The following SULF2 variants were observed in gnomAD, a reference collection of about 807,000 sequenced individuals.
SULF2 encodes extracellular sulfatase Sulf-2.
A neutral mutation model predicts 107.7 loss-of-function variants in SULF2; 52 were observed. That is an observed-to-expected ratio of 0.48 (90% CI 0.39 to 0.61). The LOEUF (loss-of-function observed/expected upper bound fraction) is 0.61, where lower values mean the gene tolerates loss of function less well. SULF2 is among the 20% of genes least tolerant of loss of function. The pLI is 0.00. For missense variants in SULF2, 993 were observed against 1,177.3 expected (o/e 0.84, Z 2.29); for synonymous variants, 460 against 464.3 (o/e 0.99, Z 0.12).
chr20:47,767,138 T>G (rs1357971280), intron 1 of SULF2, among the ~76,000 whole-genome samples: 1 of 152,178 alleles, frequency 6.6e-6, no homozygotes, highest in Non-Finnish European at 1.5e-5. Context: ...TACTAGAGGT[T>G]GGGCAAGTGT....
intron 3 of SULF2, among the ~76,000 whole-genome samples, chr20:47,714,572 C>G (rs925373286): frequency 2.6e-5 from 4 of 152,198 alleles, no homozygotes; most frequent in Non-Finnish European, 4.4e-5. Flanking sequence ...ACCTTCAGCC[C>G]ATCTTCCACA....
intron 4 of SULF2, among the ~76,000 whole-genome samples, chr20:47,701,084 G>A (rs901219991): frequency 2.0e-5 from 3 of 152,210 alleles, no homozygotes; most frequent in African/African-American, 7.2e-5. Flanking sequence ...ACCCAAACTG[G>A]AGACAACCAA....
intron 17 of SULF2, 53 bp downstream of exon 17, chr20:47,663,017 G>A: frequency 6.2e-7 from 1 of 1,604,760 alleles, no homozygotes. Flanking sequence ...GGGCCTACCT[G>A]GCAGCACTGG....
Position 47,736,817 on chromosome 20 carries a change from C to T in SULF2, c.301G>A (p.Val101Ile), listed in dbSNP as rs564524993. ...TTGGTGTAGGTGTTGTGGTTGTGGA[C>T]GTACTTGCCAGTGAGGATGGAGGAG... ...SRSSILTGKY[V>I]HNHNTYTNNE... The change falls in exon 3 of 21, where the codon GTC becomes ATC. Residue 101 changes from valine to isoleucine, a missense_variant. Val to Ile is a conservative substitution (Grantham distance 29). This residue lies in a region of SULF2 where 388 missense variants were observed against 449.2 expected (regional missense o/e 0.86). Coordinates refer to ENST00000688720, the MANE Select transcript of SULF2 (RefSeq NM_001387048.1). 64 of 1,614,114 alleles carry T rather than the reference C, an allele frequency of 4.0e-5. No homozygotes were observed. In the South Asian group the frequency reaches 6.4e-4, roughly 16 times the overall value.
intron 11 of SULF2, among the ~76,000 whole-genome samples, chr20:47,671,992 G>T (rs904042250): frequency 6.6e-6 from 1 of 152,226 alleles, no homozygotes; most frequent in Non-Finnish European, 1.5e-5. Flanking sequence ...TTACAGGCGT[G>T]AGCCATTGCG....
chr20:47,689,474 C>T (rs1311606797), intron 5 of SULF2: 1 of 152,302 alleles, frequency 6.6e-6, no homozygotes, highest in Non-Finnish European at 1.5e-5. Context: ...AGCCATGGGA[C>T]TGAGCCCCAG....
At chr20:47,755,179 TTC>T (rs2146895328) in intron 2 of SULF2, among the ~76,000 whole-genome samples, 2 of 152,334 alleles carry the variant, frequency 1.3e-5, no homozygotes, top group South Asian at 4.1e-4. Context: ...GACAAGTGAC[TTC>T]TCTCTGCCTC....
chr20:47,731,187 CTTTTTTTTTTTT>C (rs71183273), intron 3 of SULF2, among the ~76,000 whole-genome samples: 2 of 81,180 alleles, frequency 2.5e-5, no homozygotes, highest in Non-Finnish European at 4.4e-5. Flanking sequence ...TGTATCTTCT[CTTTTTTTTTTTT>C]TTTTTTTTTT....
At chr20:47,698,162 G>GGGGTTTCCA (rs1256522596) in intron 4 of SULF2, among the ~76,000 whole-genome samples, 1 of 152,224 alleles carries the variant, frequency 6.6e-6, no homozygotes, top group Non-Finnish European at 1.5e-5. Context: ...CATGTGTGCC[G>GGGGTTTCCA]GGGTTTCCAG....
At chr20:47,743,203 C>T (rs567664351) in intron 2 of SULF2, among the ~76,000 whole-genome samples, 1 of 152,184 alleles carries the variant, frequency 6.6e-6, no homozygotes, top group South Asian at 2.1e-4. Flanking sequence ...AAAATAAAGG[C>T]GGAGTCAGTA....
rs535936841 is a variant in SULF2 at position 47,676,380 on chromosome 20, A to G, written c.1380+114T>C. The G allele has an allele frequency of 3.6e-5, 43 of 1,196,948 alleles. No individual in the cohort carries two copies. In the African/African-American group the frequency reaches 5.5e-4, roughly 15 times the overall value. The allele number at this position is 1,196,948 out of a possible 1,614,324, so 74.1% of individuals were successfully genotyped here. A position where few individuals can be genotyped will look rare whatever the true frequency, so the allele number is the denominator to read the frequency against. ...CTTGGGCACCACACGGCAGCAAAGG[A>G]CTACCCGTTGGGAGGCCCTGGCCCT... On this transcript the variant is annotated intron_variant, in intron 10 of 20. Transcript: ENST00000688720.
At chr20:47,661,954 C>T in intron 17 of SULF2, 58 bp from the exon 18 acceptor site, 2 of 1,403,292 alleles carry the variant, frequency 1.4e-6, no homozygotes, top group Non-Finnish European at 1.9e-6. Flanking sequence ...TCGCCCTGCC[C>T]TTCTACCAAC....
chr20:47,781,366 T>G (rs2090831101), intron 1 of SULF2, among the ~76,000 whole-genome samples: 1 of 152,244 alleles, frequency 6.6e-6, no homozygotes, highest in African/African-American at 2.4e-5. Flanking sequence ...TGCTGTTTTA[T>G]TCCAGGCTTT....
chr20:47,767,043 G>GA (rs1172424332), intron 1 of SULF2, among the ~76,000 whole-genome samples: 1 of 152,146 alleles, frequency 6.6e-6, no homozygotes, highest in Non-Finnish European at 1.5e-5. Flanking sequence ...TTACTTGGGG[G>GA]AAAATGCCAC....
intron 2 of SULF2, among the ~76,000 whole-genome samples, chr20:47,739,527 G>A (rs2089827914): frequency 6.6e-6 from 1 of 152,140 alleles, no homozygotes; most frequent in Admixed American, 6.5e-5. Context: ...TCTCCTTCAA[G>A]TTATTGATCA....
Position 47,684,668 on chromosome 20 carries a change from C to G in SULF2, c.738-87G>C. On this transcript the variant is annotated intron_variant, in intron 5 of 20. Coordinates refer to ENST00000688720, the MANE Select transcript of SULF2 (RefSeq NM_001387048.1). ...CCGCCAGACCCGCCCGGATGAGCAG[C>G]CACCCTGTGCTGTGTCTGCAGCCCA... The G allele has an allele frequency of 2.1e-6, 3 of 1,405,102 alleles. No homozygotes were observed. The Admixed American group carries it at 6.2e-5, about 29-fold the overall frequency. 87.0% of individuals were successfully genotyped at this position (1,405,102 alleles called of 1,614,324 possible).
intron 2 of SULF2, among the ~76,000 whole-genome samples, chr20:47,746,032 CT>C (rs1488325278): frequency 1.3e-5 from 2 of 152,204 alleles, no homozygotes; most frequent in East Asian, 3.9e-4. Flanking sequence ...AAAGACCTGG[CT>C]TTGATGGGCC....
At chr20:47,669,457 C>A (rs2087390537) in intron 11 of SULF2, among the ~76,000 whole-genome samples, 1 of 152,212 alleles carries the variant, frequency 6.6e-6, no homozygotes. Context: ...GCCAGCAGCA[C>A]CCCTCCATCA....
At chr20:47,746,110 C>A (rs2090029218) in intron 2 of SULF2, among the ~76,000 whole-genome samples, 1 of 152,250 alleles carries the variant, frequency 6.6e-6, no homozygotes, top group Non-Finnish European at 1.5e-5. Flanking sequence ...TTCCACCACC[C>A]CTACCATGCC....
Sources: gnomAD v4.1 joint callset for allele counts (sites outside exome capture counted in the v4.1 genomes callset) on GRCh38, gnomAD v4.1.1 for gene constraint, gnomAD v4.1.1 regional missense constraint, MANE v1.5 for transcripts, NCBI Gene and HGNC (gene_info 2026-07-23, HGNC 2026-07-21) for gene names.